Variants in SEMA6D observed in about 807,000 individuals in gnomAD.
SEMA6D encodes semaphorin 6D, also known as semaphorin-6D.
In SEMA6D, 35 loss-of-function variants were observed where a neutral mutation model predicts 106.6. That is an observed-to-expected ratio of 0.33 (90% confidence interval 0.25 to 0.44). SEMA6D has a LOEUF of 0.44. Among genes scored for constraint, SEMA6D ranks in the 20% least tolerant of loss-of-function variants. The pLI is 1.00. For synonymous variants in SEMA6D, 499 were observed against 487.7 expected (o/e 1.02, Z -0.31); for missense variants, 1,185 against 1,345.9 (o/e 0.88, Z 1.87).
chr15:47,441,965 A>T (rs1349820323), intron 2 of SEMA6D, among the ~76,000 whole-genome samples: 2 of 152,098 alleles, frequency 1.3e-5, no homozygotes, highest in Non-Finnish European at 2.9e-5. Context: ...GCAGGTTTTT[A>T]ATCCATGAAT....
intron 3 of SEMA6D, among the ~76,000 whole-genome samples, chr15:47,551,585 T>C (rs2045689349): frequency 6.6e-6 from 1 of 152,020 alleles, no homozygotes; most frequent in South Asian, 2.1e-4. Flanking sequence ...TTCATTTTCC[T>C]TCATATCTCT....
rs141850164 is a variant in SEMA6D at position 47,674,471 on chromosome 15, A to C, written c.-55+73575A>C. Reference sequence around the variant, plus strand: ...TCCATGTCGAAAACATTGTCAATAAACTATTCTTTGATTAAGAGGATAACT... The same window carrying C: ...TCCATGTCGAAAACATTGTCAATAACCTATTCTTTGATTAAGAGGATAACT... On this transcript the variant is annotated intron_variant, in intron 4 of 19. Transcript: ENST00000558014. 2.2e-4 allele frequency among the ~76,000 whole-genome samples: 34 copies of C among 152,290 alleles called. No homozygotes were observed. In the East Asian group the frequency reaches 6.0e-3, roughly 27 times the overall value.
intron 2 of SEMA6D, among the ~76,000 whole-genome samples, chr15:47,429,964 G>A (rs1184905565): frequency 6.6e-6 from 1 of 151,978 alleles, no homozygotes; most frequent in Non-Finnish European, 1.5e-5. Context: ...CTTATATGTT[G>A]GTTTGGAGTT....
At chr15:47,198,528 G>T (rs1894510376) in intron 1 of SEMA6D, among the ~76,000 whole-genome samples, 2 of 152,090 alleles carry the variant, frequency 1.3e-5, no homozygotes, top group Admixed American at 6.6e-5. Context: ...TAAGGAAGTG[G>T]ATTAGGTGAA....
intron 1 of SEMA6D, among the ~76,000 whole-genome samples, chr15:47,751,719 C>T (rs1170180907): frequency 6.6e-6 from 1 of 152,114 alleles, no homozygotes; most frequent in Non-Finnish European, 1.5e-5. Context: ...GCTAACCTTG[C>T]GCTAAGAGAT....
intron 3 of SEMA6D, among the ~76,000 whole-genome samples, chr15:47,495,981 A>T (rs946640194): frequency 2.4e-4 from 37 of 152,194 alleles, no homozygotes; most frequent in African/African-American, 8.7e-4. Flanking sequence ...TCTTTTATAG[A>T]CACACTTTTC....
intron 1 of SEMA6D, among the ~76,000 whole-genome samples, chr15:47,245,982 T>G (rs920246079): frequency 2.0e-5 from 3 of 152,172 alleles, no homozygotes; most frequent in African/African-American, 4.8e-5. Flanking sequence ...CTCTGAAGCT[T>G]CTTTCAGGGG....
intron 1 of SEMA6D, among the ~76,000 whole-genome samples, chr15:47,190,146 T>C (rs1893862828): frequency 6.6e-6 from 1 of 152,178 alleles, no homozygotes; most frequent in African/African-American, 2.4e-5. Context: ...GTGCTAAATA[T>C]CTAATTAATA....
intron 15 of SEMA6D, 175 bp from the exon 16 acceptor site, chr15:47,766,441 A>G: frequency 1.5e-6 from 1 of 654,996 alleles, no homozygotes; most frequent in South Asian, 2.1e-5. Context: ...ATTCTAGTTC[A>G]CCAGTTTTTA....
intron 1 of SEMA6D, among the ~76,000 whole-genome samples, chr15:47,720,818 GA>G (rs1273705695): frequency 1.3e-5 from 2 of 152,180 alleles, no homozygotes; most frequent in African/African-American, 4.8e-5. Context: ...TACAAAGAGT[GA>G]AAAATGCATC....
At chr15:47,418,076 T>C (rs1490874230) in intron 2 of SEMA6D, among the ~76,000 whole-genome samples, 3 of 152,070 alleles carry the variant, frequency 2.0e-5, no homozygotes, top group East Asian at 3.9e-4. Flanking sequence ...AAAGAGGAGA[T>C]ATGAAATGGT....
At chr15:47,457,591 A>T (rs953369719) in intron 2 of SEMA6D, among the ~76,000 whole-genome samples, 84 of 152,106 alleles carry the variant, frequency 5.5e-4, no homozygotes, top group African/African-American at 2.0e-3. Flanking sequence ...TCCGAAGATT[A>T]GACACTACAT....
chr15:47,210,764 C>CAAAAAAA (rs34743184), intron 1 of SEMA6D, among the ~76,000 whole-genome samples: 1 of 62,746 alleles, frequency 1.6e-5, no homozygotes, highest in Non-Finnish European at 3.0e-5. Flanking sequence ...GACTCCGTCT[C>CAAAAAAA]AAAAAAAAAA....
At chr15:47,678,262 A>G (rs1025524428) in intron 4 of SEMA6D, among the ~76,000 whole-genome samples, 1 of 152,140 alleles carries the variant, frequency 6.6e-6, no homozygotes, top group Non-Finnish European at 1.5e-5. Flanking sequence ...TTATTTCCCC[A>G]GCATCAAACA....
intron 3 of SEMA6D, among the ~76,000 whole-genome samples, chr15:47,529,688 T>C (rs530998916): frequency 2.6e-5 from 4 of 152,132 alleles, no homozygotes; most frequent in South Asian, 4.2e-4. Flanking sequence ...ATTTAATTAG[T>C]GATGGCTCCA....
At chr15:47,511,832 C>T (rs537589738) in intron 3 of SEMA6D, among the ~76,000 whole-genome samples, 1 of 152,040 alleles carries the variant, frequency 6.6e-6, no homozygotes, top group Non-Finnish European at 1.5e-5. Flanking sequence ...GCTTTTGGCA[C>T]CCCTCAGGCC....
At chr15:47,652,780 CTTAT>C (rs2077718917) in intron 4 of SEMA6D, among the ~76,000 whole-genome samples, 1 of 152,144 alleles carries the variant, frequency 6.6e-6, no homozygotes, top group African/African-American at 2.4e-5. Flanking sequence ...TGGTGTTTCT[CTTAT>C]TTAAGGAAAT....
intron 2 of SEMA6D, among the ~76,000 whole-genome samples, chr15:47,442,801 G>A (rs1002818621): frequency 2.0e-5 from 3 of 152,100 alleles, no homozygotes; most frequent in Admixed American, 2.0e-4. Context: ...TTTTGTGGGT[G>A]TTGATTCTTT....
intron 4 of SEMA6D, among the ~76,000 whole-genome samples, chr15:47,668,358 C>A (rs1484553564): frequency 6.6e-6 from 1 of 152,170 alleles, no homozygotes; most frequent in Non-Finnish European, 1.5e-5. Flanking sequence ...CTGACCTATT[C>A]CAGCCTGGTC....
Sources: allele counts gnomAD v4.1 joint callset (sites outside exome capture counted in the v4.1 genomes callset), GRCh38; gene constraint gnomAD v4.1.1; transcripts MANE v1.5; gene names NCBI Gene and HGNC (gene_info 2026-07-23, HGNC 2026-07-21).